Variants in CHST6 observed in about 807,000 individuals in gnomAD.
CHST6 encodes N-acetylglucosamine 6-O-sulfotransferase 5.
For missense variants in CHST6, 698 were observed against 586.2 expected, an observed-to-expected ratio of 1.19 and a Z score of -1.97; for synonymous variants, 309 against 276.4, an observed-to-expected ratio of 1.12 and a Z score of -1.17.
At chr16:75,488,230 G>C (rs957836437) in intron 1 of CHST6, among the ~76,000 whole-genome samples, 6 of 151,722 alleles carry the variant, frequency 4.0e-5, no homozygotes, top group Non-Finnish European at 8.8e-5. Context: ...TTGGGAGGCC[G>C]AGGCAGGTGG....
At chr16:75,491,336 T>G (rs919693333) in intron 1 of CHST6, among the ~76,000 whole-genome samples, 1 of 150,534 alleles carries the variant, frequency 6.6e-6, no homozygotes, top group Non-Finnish European at 1.5e-5. Context: ...AAGTTTGGTG[T>G]TTATTTTTCT....
intron 1 of CHST6, among the ~76,000 whole-genome samples, chr16:75,493,906 G>A (rs770874888): frequency 1.8e-4 from 28 of 152,052 alleles, no homozygotes; most frequent in African/African-American, 3.9e-4. Context: ...GTGAAGTACC[G>A]CAATCTCAGC....
chr16:75,473,153 C>T lies in CHST6; in HGVS notation c.*5488G>A, dbSNP rs1021296761. The T allele has an allele frequency of 6.6e-6, 1 of 152,328 alleles. No homozygotes were observed. Among genetic ancestry groups the T allele is most frequent in the African/African-American group, 2.4e-5 (1 of 41,468 alleles). 9.4% of individuals were successfully genotyped at this position (152,328 alleles called of 1,614,324 possible). On this transcript the variant is annotated 3_prime_UTR_variant, in exon 3 of 3. Coordinates refer to ENST00000332272, the MANE Select transcript of CHST6 (RefSeq NM_021615.5). ...TGAAACACAATAAGCACTTTTATTG[C>T]TCCTAAAGTCTTCGACTTGGCCGCA...
chr16:75,481,935 G>T (rs919943067), intron 1 of CHST6, 44 bp from the exon 2 acceptor site: 1 of 449,414 alleles, frequency 2.2e-6, no homozygotes, highest in Non-Finnish European at 4.5e-6. Flanking sequence ...TACAGGGGAA[G>T]ATAGCCCCAA....
chr16:75,488,925 A>G (rs1171114094), intron 1 of CHST6, among the ~76,000 whole-genome samples: 1 of 151,784 alleles, frequency 6.6e-6, no homozygotes, highest in Admixed American at 6.6e-5. Context: ...ATAAAACATA[A>G]AGATGGAAGG....
rs747564029 is a variant in CHST6 at position 75,479,344 on chromosome 16, C to T, written c.485G>A (p.Arg162Gln). The T allele has an allele frequency of 1.1e-5, 18 of 1,612,752 alleles. No homozygotes were observed. Among genetic ancestry groups the T allele is most frequent in the Non-Finnish European group, 1.4e-5 (17 of 1,179,770 alleles). The change falls in exon 3 of 3, where the codon CGG becomes CAG. Residue 162 changes from arginine to glutamine, a missense_variant. Coordinates refer to ENST00000332272, the MANE Select transcript of CHST6 (RefSeq NM_021615.5). ...LCARQSFTLAREACRSYSHVV... is the reference protein window; with the variant it reads ...LCARQSFTLAQEACRSYSHVV... ...GTGGCTGTAGGAGCGGCAGGCCTCC[C>T]GGGCCAGGGTGAAGGACTGCCGCGC...
chr16:75,491,204 T>A (rs1344519401), intron 1 of CHST6, among the ~76,000 whole-genome samples: 3 of 123,240 alleles, frequency 2.4e-5, no homozygotes, highest in Non-Finnish European at 4.9e-5. Flanking sequence ...TATATATATA[T>A]ATATATATAT....
At chr16:75,490,198 G>T (rs990680782) in intron 1 of CHST6, among the ~76,000 whole-genome samples, 2 of 112,798 alleles carry the variant, frequency 1.8e-5, no homozygotes, top group Non-Finnish European at 3.4e-5. Context: ...AAAAAAAAAG[G>T]CCGGGCACAG....
chr16:75,481,458 T>G (rs968937305), intron 2 of CHST6, among the ~76,000 whole-genome samples: 2 of 152,088 alleles, frequency 1.3e-5, no homozygotes, highest in Middle Eastern at 6.8e-3. Flanking sequence ...TAGCTGGGCA[T>G]GGTGGTGCAT....
rs1368242491 is a variant in CHST6, at chr16:75,474,141, C to G, written c.*4500G>C. On this transcript the variant is annotated 3_prime_UTR_variant, in exon 3 of 3. Transcript: ENST00000332272. ...AGTGAGCCAAGATGGCGCCACTGCA[C>G]TCCAGCCTGGGGGACAAGAGCAAGA... 1 of 152,374 alleles carries G rather than the reference C, an allele frequency of 6.6e-6. No individual in the cohort carries two copies. The allele number at this position is 152,374 out of a possible 1,614,324, so 9.4% of individuals were successfully genotyped here.
chr16:75,488,523 T>C (rs1428950863), intron 1 of CHST6, among the ~76,000 whole-genome samples: 14 of 145,178 alleles, frequency 9.6e-5, no homozygotes, highest in African/African-American at 7.6e-5. Flanking sequence ...ACATACCCAA[T>C]GAGGAGTCAG....
At chr16:75,484,936 C>A (rs529399579) in intron 1 of CHST6, among the ~76,000 whole-genome samples, 1 of 152,172 alleles carries the variant, frequency 6.6e-6, no homozygotes, top group Non-Finnish European at 1.5e-5. Context: ...AGAGGCCACA[C>A]CCCCTGGGCA....
Position 75,479,490 on chromosome 16 carries a change from C to A in CHST6, c.339G>T (p.Trp113Cys). The A allele has an allele frequency of 6.2e-7, 1 of 1,612,914 alleles. No homozygotes were observed. Among genetic ancestry groups the A allele is most frequent in the Non-Finnish European group, 8.5e-7 (1 of 1,179,862 alleles). ...DMDVFDAYLP[W>C]RRNLSDLFQW... ...GGAAGAGGTCGGACAGGTTGCGGCGCCAAGGCAGATAGGCATCAAACACGT... is the reference window on the plus strand; with the variant it reads ...GGAAGAGGTCGGACAGGTTGCGGCGACAAGGCAGATAGGCATCAAACACGT... Residue 113 changes from tryptophan to cysteine, a missense_variant, in exon 3 of 3, where the codon TGG becomes TGT. Trp to Cys is a radical substitution (Grantham distance 215). Coordinates refer to ENST00000332272, the MANE Select transcript of CHST6 (RefSeq NM_021615.5).
chr16:75,485,103 A>G (rs971696843), intron 1 of CHST6, among the ~76,000 whole-genome samples: 2 of 152,148 alleles, frequency 1.3e-5, no homozygotes, highest in Non-Finnish European at 1.5e-5. Context: ...GATGATGAAA[A>G]TGATCATATT....
intron 1 of CHST6, among the ~76,000 whole-genome samples, chr16:75,494,652 T>G (rs2080290433): frequency 6.6e-6 from 1 of 152,214 alleles, no homozygotes; most frequent in Non-Finnish European, 1.5e-5. Flanking sequence ...CTTGGAGAGC[T>G]TTTGAAAGTC....
intron 1 of CHST6, among the ~76,000 whole-genome samples, chr16:75,491,013 A>G (rs2080246529): frequency 1.3e-5 from 2 of 151,510 alleles, no homozygotes; most frequent in Non-Finnish European, 2.9e-5. Context: ...TTTAAAATAT[A>G]AACTTTGGGC....
At chr16:75,484,215 T>C (rs1398698544) in intron 1 of CHST6, among the ~76,000 whole-genome samples, 1 of 152,046 alleles carries the variant, frequency 6.6e-6, no homozygotes, top group Non-Finnish European at 1.5e-5. Flanking sequence ...CAGGCACCTG[T>C]AGTCCCAGCT....
intron 2 of CHST6, among the ~76,000 whole-genome samples, chr16:75,480,927 CAAAAAA>C (rs60465949): frequency 9.0e-6 from 1 of 111,388 alleles, no homozygotes; most frequent in South Asian, 2.9e-4. Context: ...AACTTCATTC[CAAAAAA>C]AAAAAAAAAA....
At chr16:75,487,451 G>C (rs962422635) in intron 1 of CHST6, among the ~76,000 whole-genome samples, 1 of 151,544 alleles carries the variant, frequency 6.6e-6, no homozygotes. Context: ...GCTCACCTGA[G>C]GTCAGGAGTT....
Sources: gnomAD v4.1 joint callset for allele counts (sites outside exome capture counted in the v4.1 genomes callset) on GRCh38, gnomAD v4.1.1 for gene constraint, MANE v1.5 for transcripts, NCBI Gene and HGNC (gene_info 2026-07-23, HGNC 2026-07-21) for gene names.